SLC24A2: variants seen among roughly 807,000 people sequenced by gnomAD.
SLC24A2 encodes the protein solute carrier family 24 member 2, also known as sodium/potassium/calcium exchanger 2.
Under a neutral mutation model 62.0 loss-of-function variants are expected in SLC24A2, and 36 were observed. The ratio of observed to expected loss-of-function variants is 0.58; its 90% CI spans 0.44 to 0.77. The LOEUF (loss-of-function observed/expected upper bound fraction) is 0.77, where lower values mean the gene tolerates loss of function less well. SLC24A2 is among the 30% of genes least tolerant of loss of function. The pLI is 0.00. For synonymous variants in SLC24A2, 358 were observed against 294.0 expected, an observed-to-expected ratio of 1.22 and a Z score of -2.23; for missense variants, 846 against 817.9, an observed-to-expected ratio of 1.03 and a Z score of -0.42.
chr9:19,634,271 AC>A (rs1818252736), intron 2 of SLC24A2, among the ~76,000 whole-genome samples: 1 of 146,778 alleles, frequency 6.8e-6, no homozygotes, highest in Non-Finnish European at 1.5e-5. Flanking sequence ...CTAACTTGAA[AC>A]TGCAGCCTCT....
At chr9:19,732,114 A>G (rs63678160) in intron 2 of SLC24A2, among the ~76,000 whole-genome samples, 1 of 5,120 alleles carries the variant, frequency 2.0e-4, no homozygotes, top group Admixed American at 2.1e-3. Context: ...TTGTTTTGTT[A>G]AAAAAAAAAC....
the SLC24A2 span, among the ~76,000 whole-genome samples, chr9:19,864,381 CAACAAAA>C: frequency 1.3e-5 from 2 of 151,418 alleles, no homozygotes; most frequent in Non-Finnish European, 3.0e-5. Context: ...AAAAAAACAA[CAACAAAA>C]AACAAAAAAC....
At chr9:20,210,235 C>A in the SLC24A2 span, among the ~76,000 whole-genome samples, 13 of 152,304 alleles carry the variant, frequency 8.5e-5, no homozygotes, top group South Asian at 2.7e-3. Context: ...CAGCACCTGG[C>A]AGGATGGCAG....
the SLC24A2 span, among the ~76,000 whole-genome samples, chr9:19,883,732 A>AG: frequency 2.0e-5 from 3 of 151,942 alleles, no homozygotes; most frequent in Admixed American, 2.0e-4. Context: ...TGCCTGGCGA[A>AG]TTTTTTGTAT....
chr9:19,598,325 A>T lies in SLC24A2; in HGVS notation c.1079-1046T>A, dbSNP rs181382291. On this transcript the variant is annotated intron_variant, in intron 4 of 10. Coordinates refer to ENST00000341998, the MANE Select transcript of SLC24A2 (RefSeq NM_020344.4). The stretch of plus-strand genomic sequence containing the variant: ...CCCATTAACTGGGCCAGCTGCTGGG[A>T]ATCCTCATATGAATAAACTTAAAAT... Among the ~76,000 whole-genome samples the T allele has an allele frequency of 2.1e-3, 327 of 152,318 alleles. 1 individual carries two copies. Among genetic ancestry groups the T allele is most frequent in the African/African-American group, 7.5e-3 (310 of 41,564 alleles).
the SLC24A2 span, among the ~76,000 whole-genome samples, chr9:20,267,450 T>C: frequency 6.6e-6 from 1 of 151,798 alleles, no homozygotes; most frequent in Non-Finnish European, 1.5e-5. Flanking sequence ...GACCCCCGAG[T>C]GCCGCCACCA....
chr9:19,900,469 G>A, the SLC24A2 span, among the ~76,000 whole-genome samples: 2 of 152,052 alleles, frequency 1.3e-5, no homozygotes, highest in Admixed American at 6.5e-5. Context: ...ATTATCTTGG[G>A]GAGTTGATTT....
At chr9:20,097,868 G>A in the SLC24A2 span, among the ~76,000 whole-genome samples, 88 of 150,428 alleles carry the variant, frequency 5.8e-4, no homozygotes, top group South Asian at 1.5e-3. Context: ...TCAGACTCCC[G>A]AGTAGCTGGG....
At chr9:20,162,788 A>C in the SLC24A2 span, among the ~76,000 whole-genome samples, 3 of 152,158 alleles carry the variant, frequency 2.0e-5, no homozygotes, top group Non-Finnish European at 4.4e-5. Flanking sequence ...CATCATGATC[A>C]AGTGGGCTTC....
rs138741923 is a variant in SLC24A2 at position 19,519,896 on chromosome 9, T to C, written c.1736+998A>G. On this transcript the variant is annotated intron_variant, in intron 10 of 10. Coordinates refer to ENST00000341998, the MANE Select transcript of SLC24A2 (RefSeq NM_020344.4). ...GTTTTATGCACAGAGAGTGCTACAA[T>C]TGATAGCACAGACTCTTTGTTCAAA... 4.4e-4 allele frequency among the ~76,000 whole-genome samples: 67 copies of C among 152,298 alleles called. 1 individual carries two copies. In the East Asian group the frequency reaches 9.6e-3, roughly 22 times the overall value.
At chr9:20,143,655 G>A in the SLC24A2 span, among the ~76,000 whole-genome samples, 1 of 152,290 alleles carries the variant, frequency 6.6e-6, no homozygotes, top group East Asian at 1.9e-4. Flanking sequence ...ATGAAAATAG[G>A]TTTATGTCAG....
chr9:19,867,194 C>A, the SLC24A2 span, among the ~76,000 whole-genome samples: 3 of 151,926 alleles, frequency 2.0e-5, no homozygotes, highest in African/African-American at 7.3e-5. Flanking sequence ...AATATATACA[C>A]CTGCTGTGTA....
At chr9:20,238,829 A>G in the SLC24A2 span, among the ~76,000 whole-genome samples, 6 of 152,216 alleles carry the variant, frequency 3.9e-5, no homozygotes, top group Non-Finnish European at 5.9e-5. Context: ...AGGTTAAATG[A>G]TATTATAAGG....
At chr9:19,670,876 A>G (rs1819393817) in intron 2 of SLC24A2, among the ~76,000 whole-genome samples, 2 of 152,190 alleles carry the variant, frequency 1.3e-5, no homozygotes, top group Admixed American at 6.5e-5. Flanking sequence ...AACATTTCTG[A>G]TATCCCTGAT....
chr9:20,134,509 C>A, the SLC24A2 span, among the ~76,000 whole-genome samples: 1 of 151,946 alleles, frequency 6.6e-6, no homozygotes, highest in Non-Finnish European at 1.5e-5. Context: ...GAAAGGAAAC[C>A]GAAAGAGCCT....
the SLC24A2 span, among the ~76,000 whole-genome samples, chr9:20,100,783 C>G: frequency 1.3e-5 from 2 of 152,142 alleles, no homozygotes; most frequent in Admixed American, 6.5e-5. Context: ...TCCTTCTACA[C>G]TGATTATTTT....
At chr9:20,243,952 A>G in the SLC24A2 span, among the ~76,000 whole-genome samples, 7 of 142,408 alleles carry the variant, frequency 4.9e-5, no homozygotes, top group Non-Finnish European at 6.2e-5. Flanking sequence ...AGAGGAAGGG[A>G]GTGGGGAGGA....
At chr9:19,626,144 C>T (rs747709855) in intron 2 of SLC24A2, among the ~76,000 whole-genome samples, 3 of 152,074 alleles carry the variant, frequency 2.0e-5, no homozygotes, top group Non-Finnish European at 2.9e-5. Flanking sequence ...TTCTTTCTTC[C>T]TTTGATCCTT....
the SLC24A2 span, among the ~76,000 whole-genome samples, chr9:20,261,823 T>G: frequency 7.5e-6 from 1 of 133,740 alleles, no homozygotes; most frequent in Non-Finnish European, 1.5e-5. Context: ...CACTGCAAGC[T>G]CTGCCTCCCA....
Sources: allele counts gnomAD v4.1 joint callset (sites outside exome capture counted in the v4.1 genomes callset), GRCh38; gene constraint gnomAD v4.1.1; transcripts MANE v1.5; gene names NCBI Gene and HGNC (gene_info 2026-07-23, HGNC 2026-07-21).